Variants in CFAP61 observed in about 807,000 individuals in gnomAD.
CFAP61 encodes the protein cilia- and flagella-associated protein 61.
A neutral mutation model predicts 135.6 loss-of-function variants in CFAP61; 107 were observed. That is an observed-to-expected ratio of 0.79 (90% confidence interval 0.67 to 0.93). The LOEUF (loss-of-function observed/expected upper bound fraction) is 0.93. CFAP61 is among the 40% of genes least tolerant of loss of function. CFAP61 has a pLI of 0.00. For synonymous variants in CFAP61, 575 were observed against 578.5 expected (o/e 0.99, Z 0.09); for missense variants, 1,507 against 1,556.2 (o/e 0.97, Z 0.53).
chr20:20,355,759 G>C, intron 26 of CFAP61, among the ~76,000 whole-genome samples: 1 of 143,288 alleles, frequency 7.0e-6, no homozygotes, highest in Non-Finnish European at 1.5e-5. Context: ...ACTATGAGCA[G>C]AGATGGTCAC....
chr20:20,104,223 C>T (rs575565849), intron 8 of CFAP61, among the ~76,000 whole-genome samples: 43 of 152,036 alleles, frequency 2.8e-4, no homozygotes, highest in Non-Finnish European at 5.4e-4. Context: ...AATGTCTCCA[C>T]GTAAAACATC....
chr20:20,305,318 G>A (rs1165539216), intron 25 of CFAP61, among the ~76,000 whole-genome samples: 1 of 152,228 alleles, frequency 6.6e-6, no homozygotes, highest in Admixed American at 6.5e-5. Flanking sequence ...GCAGGATGCT[G>A]CCAGCCCACG....
intron 1 of CFAP61, 176 bp downstream of exon 1, chr20:20,052,767 C>T: frequency 6.5e-7 from 1 of 1,543,314 alleles, no homozygotes; most frequent in East Asian, 2.3e-5. Flanking sequence ...TGCTCGAGGG[C>T]GGGGGAAGAA....
chr20:20,115,461 C>T (rs1276713173), intron 8 of CFAP61, among the ~76,000 whole-genome samples: 3 of 151,876 alleles, frequency 2.0e-5, no homozygotes, highest in Non-Finnish European at 4.4e-5. Context: ...TCTCTTCTAG[C>T]TATTTTGAAA....
intron 21 of CFAP61, among the ~76,000 whole-genome samples, chr20:20,269,719 T>G (rs1475010115): frequency 6.6e-6 from 1 of 152,244 alleles, no homozygotes; most frequent in African/African-American, 2.4e-5. Flanking sequence ...AATCTGTGAT[T>G]GCTACTTAAA....
In CFAP61 at chr20:20,132,505, A is replaced by G. The variant is rs548067375; in HGVS notation, c.860-10352A>G. On this transcript the variant is annotated intron_variant, in intron 8 of 26. Coordinates refer to ENST00000245957, the MANE Select transcript of CFAP61 (RefSeq NM_015585.4). ...TGTGAATCCCATAATTTTTAGGTTCAGTGTTCTGTATAAATCAGTCATATT... is the reference window on the plus strand; with the variant it reads ...TGTGAATCCCATAATTTTTAGGTTCGGTGTTCTGTATAAATCAGTCATATT... Among the ~76,000 whole-genome samples, 10 of 152,198 alleles carry G rather than the reference A, an allele frequency of 6.6e-5. No individual in the cohort carries two copies. The South Asian group carries it at 1.9e-3, about 28-fold the overall frequency.
At chr20:20,224,571 C>G (rs2048601993) in intron 17 of CFAP61, among the ~76,000 whole-genome samples, 1 of 151,958 alleles carries the variant, frequency 6.6e-6, no homozygotes, top group Non-Finnish European at 1.5e-5. Context: ...TACTGTTGAT[C>G]TCTACACTTA....
chr20:20,269,210 T>TATAC (rs2053122876), intron 21 of CFAP61, among the ~76,000 whole-genome samples: 4 of 139,148 alleles, frequency 2.9e-5, no homozygotes, highest in African/African-American at 5.5e-5. Flanking sequence ...TATGTATATA[T>TATAC]ACACATATAT....
At chr20:20,073,550 A>G (rs1045833276) in intron 3 of CFAP61, among the ~76,000 whole-genome samples, 30 of 152,344 alleles carry the variant, frequency 2.0e-4, no homozygotes, top group Admixed American at 9.8e-4. Context: ...GCCAGTCTAC[A>G]TCTGCACTGT....
chr20:20,199,964 G>C (rs971849783), intron 17 of CFAP61, 62 bp downstream of exon 17: 1 of 1,577,104 alleles, frequency 6.3e-7, no homozygotes, highest in African/African-American at 1.3e-5. Context: ...TGGCAGATGG[G>C]GTGGCAGTGC....
At chr20:20,196,518 T>G in intron 15 of CFAP61, 52 bp from the exon 16 acceptor site, 1 of 1,308,062 alleles carries the variant, frequency 7.6e-7, no homozygotes, top group Admixed American at 1.7e-5. Context: ...ACAAAATGCA[T>G]GCCGTTTGTT....
chr20:20,281,082 G>T (rs1256082683), intron 22 of CFAP61, among the ~76,000 whole-genome samples: 4 of 152,078 alleles, frequency 2.6e-5, no homozygotes, highest in Non-Finnish European at 5.9e-5. Flanking sequence ...ATCACTGCAG[G>T]TTTACAAAAT....
At chr20:20,086,753 T>C (rs77231936) in intron 6 of CFAP61, among the ~76,000 whole-genome samples, 7,135 of 152,242 alleles carry the variant, frequency 0.047, 556 homozygotes, top group African/African-American at 0.16. Flanking sequence ...GAATTCCTTC[T>C]GTGTCCCTAA....
chr20:20,190,737 G>A (rs2055863644), intron 14 of CFAP61, among the ~76,000 whole-genome samples: 5 of 152,146 alleles, frequency 3.3e-5, no homozygotes, highest in Non-Finnish European at 7.4e-5. Context: ...AAATCTACAA[G>A]TATGTCAATT....
chr20:20,119,785 CTCCT>C (rs570883529), intron 8 of CFAP61, among the ~76,000 whole-genome samples: 1 of 152,306 alleles, frequency 6.6e-6, no homozygotes, highest in South Asian at 2.1e-4. Flanking sequence ...GATCCCTTCC[CTCCT>C]TTTACCCTCC....
chr20:20,126,293 G>A (rs1256954654), intron 8 of CFAP61, among the ~76,000 whole-genome samples: 1 of 151,704 alleles, frequency 6.6e-6, no homozygotes. Context: ...TTTTTAACAT[G>A]TATTTTTGTA....
chr20:20,202,624 G>A (rs1223181256), intron 17 of CFAP61, among the ~76,000 whole-genome samples: 1 of 152,116 alleles, frequency 6.6e-6, no homozygotes, highest in Non-Finnish European at 1.5e-5. Flanking sequence ...TTTTTAGGAG[G>A]AATCTCAGTA....
intron 25 of CFAP61, among the ~76,000 whole-genome samples, chr20:20,312,774 C>T (rs1033936093): frequency 6.6e-6 from 1 of 152,086 alleles, no homozygotes; most frequent in South Asian, 2.1e-4. Context: ...GCAATGCAAG[C>T]CAGAAAACAG....
At chr20:20,085,946 G>T (rs1348898418) in intron 6 of CFAP61, among the ~76,000 whole-genome samples, 8 of 152,214 alleles carry the variant, frequency 5.3e-5, no homozygotes, top group African/African-American at 1.9e-4. Flanking sequence ...AAGTGGGGAA[G>T]TGAGTTGTTC....
Sources: gnomAD v4.1 joint callset for allele counts (sites outside exome capture counted in the v4.1 genomes callset) on GRCh38, gnomAD v4.1.1 for gene constraint, MANE v1.5 for transcripts, NCBI Gene and HGNC (gene_info 2026-07-23, HGNC 2026-07-21) for gene names.